Variants in COL19A1 observed in about 807,000 individuals in gnomAD.
The protein encoded by COL19A1 is collagen alpha-1(XIX) chain.
A neutral mutation model predicts 190.2 loss-of-function variants in COL19A1; 159 were observed. The ratio of observed to expected loss-of-function variants is 0.84; its 90% CI spans 0.73 to 0.95. The LOEUF is 0.95. Ranked by LOEUF, COL19A1 falls within the 40% of genes least tolerant of loss-of-function variation. The pLI, the probability that COL19A1 is intolerant of heterozygous loss-of-function variation, is 0.00. For synonymous variants in COL19A1, 509 were observed against 458.9 expected (o/e 1.11, Z -1.39); for missense variants, 1,418 against 1,431.9 (o/e 0.99, Z 0.16).
chr6:69,920,325 A>G (rs1265849854), intron 4 of COL19A1, among the ~76,000 whole-genome samples: 1 of 152,172 alleles, frequency 6.6e-6, no homozygotes, highest in Non-Finnish European at 1.5e-5. Context: ...CCGAAGTTTC[A>G]TATGGTTTTC....
rs527584464 is a variant in COL19A1 at position 70,121,249 on chromosome 6, T to C, written c.1279-631T>C. Among the ~76,000 whole-genome samples, 5 of 152,306 alleles carry C rather than the reference T, an allele frequency of 3.3e-5. No individual in the cohort carries two copies. The East Asian group carries it at 7.7e-4, about 23-fold the overall frequency. ...TTCTTTCCTTTCTTCCTAGAAGCTT[T>C]AGGGACAGCCAAATGTATTTGCTTC... On this transcript the variant is annotated intron_variant, in intron 16 of 50. Transcript: ENST00000620364.
At chr6:69,955,004 C>T (rs1255463928) in intron 9 of COL19A1, among the ~76,000 whole-genome samples, 4 of 152,108 alleles carry the variant, frequency 2.6e-5, no homozygotes, top group African/African-American at 4.8e-5. Flanking sequence ...TCATCTTTCA[C>T]TTGTTAGAAT....
At chr6:70,053,711 T>C (rs960276619) in intron 14 of COL19A1, among the ~76,000 whole-genome samples, 18 of 152,216 alleles carry the variant, frequency 1.2e-4, no homozygotes, top group Non-Finnish European at 2.6e-4. Context: ...TTAGATATCA[T>C]ATTTCTAACA....
chr6:69,885,620 T>G (rs1273680753), intron 2 of COL19A1, among the ~76,000 whole-genome samples: 7 of 152,222 alleles, frequency 4.6e-5, no homozygotes, highest in Non-Finnish European at 8.8e-5. Flanking sequence ...TTGAAGTGCA[T>G]TTCTCCATTT....
chr6:70,170,564 A>G (rs1008998507), intron 40 of COL19A1, among the ~76,000 whole-genome samples: 3 of 151,250 alleles, frequency 2.0e-5, no homozygotes, highest in Admixed American at 6.6e-5. Flanking sequence ...GCTACTTTCA[A>G]CAAATGTTGA....
chr6:70,144,995 G>T lies in COL19A1; in HGVS notation c.1758G>T (p.Leu586=), dbSNP rs1299053621. ...AGGCTGGTCCTCCAGGGAAAAGCCT[G>T]CCAGGGGAACCAGTAAGTATTAGCC... is the stretch of plus-strand genomic sequence containing the variant. ...KGEAGPPGKS[L]PGEPGLDGNP... Residue 586 remains leucine (L), a synonymous_variant, in exon 25 of 51, where the codon CTG becomes CTT. Coordinates refer to ENST00000620364, the MANE Select transcript of COL19A1 (RefSeq NM_001858.6). 4.4e-6 allele frequency: 7 copies of T among 1,587,882 alleles called. No homozygotes were observed. The highest frequency in any genetic ancestry group is 5.1e-6 in the Non-Finnish European group (6 of 1,165,122).
intron 17 of COL19A1, 62 bp from the exon 18 acceptor site, chr6:70,130,120 A>T (rs1785432383): frequency 4.5e-6 from 7 of 1,572,282 alleles, no homozygotes; most frequent in South Asian, 1.1e-5. Context: ...ACTGTTACAG[A>T]TTGAATGTGT....
chr6:69,917,093 A>C (rs1301505258), intron 4 of COL19A1, among the ~76,000 whole-genome samples: 2 of 152,226 alleles, frequency 1.3e-5, no homozygotes, highest in African/African-American at 2.4e-5. Context: ...ACACATTTCC[A>C]AGGACTTGAA....
intron 31 of COL19A1, among the ~76,000 whole-genome samples, chr6:70,152,307 A>C (rs1383677456): frequency 3.9e-5 from 6 of 152,162 alleles, no homozygotes; most frequent in Non-Finnish European, 8.8e-5. Flanking sequence ...CATTTAGCCC[A>C]GTGATTTACA....
chr6:70,111,455 C>T (rs12215502), intron 16 of COL19A1, among the ~76,000 whole-genome samples: 5 of 152,132 alleles, frequency 3.3e-5, no homozygotes, highest in East Asian at 1.9e-4. Context: ...AAGCAAATAT[C>T]GCAAAATTGT....
chr6:69,930,615 G>A (rs929018013), intron 6 of COL19A1, among the ~76,000 whole-genome samples: 1 of 151,908 alleles, frequency 6.6e-6, no homozygotes, highest in Non-Finnish European at 1.5e-5. Flanking sequence ...TCAGGAGATC[G>A]AGACCATCCT....
At chr6:69,905,013 C>T (rs1445775713) in intron 4 of COL19A1, among the ~76,000 whole-genome samples, 1 of 152,134 alleles carries the variant, frequency 6.6e-6, no homozygotes, top group South Asian at 2.1e-4. Flanking sequence ...CACAGGAGAC[C>T]TATCCACTGC....
intron 14 of COL19A1, among the ~76,000 whole-genome samples, chr6:70,064,042 A>G (rs1358221269): frequency 2.0e-5 from 3 of 152,208 alleles, no homozygotes; most frequent in Non-Finnish European, 4.4e-5. Context: ...GAATTCTACC[A>G]GAGGTACAAG....
intron 15 of COL19A1, among the ~76,000 whole-genome samples, chr6:70,101,875 A>G (rs1158358505): frequency 6.6e-6 from 1 of 152,198 alleles, no homozygotes; most frequent in Admixed American, 6.5e-5. Context: ...TACCCATCTT[A>G]GACCATCTTT....
chr6:69,938,079 G>A lies in COL19A1; in HGVS notation c.915G>A (p.Gln305=). Residue 305 remains glutamine (Q), a synonymous_variant, in exon 9 of 51, where the codon CAG becomes CAA. Transcript: ENST00000620364. ...CAGGAGCTCCGGGTTCACCTGGGCA[G>A]AAAGGGCATAAAGGAGAGCCGGTAA... is the stretch of plus-strand genomic sequence containing the variant. ...GLPGAPGSPG[Q]KGHKGEPGEN... is the part of the protein sequence containing the mutation. 1 of 1,612,740 alleles carries A rather than the reference G, an allele frequency of 6.2e-7. No homozygotes were observed. Among genetic ancestry groups the A allele is most frequent in the Admixed American group, 1.7e-5 (1 of 59,848 alleles).
intron 16 of COL19A1, among the ~76,000 whole-genome samples, chr6:70,118,627 G>A (rs1400701963): frequency 6.6e-6 from 1 of 152,190 alleles, no homozygotes; most frequent in African/African-American, 2.4e-5. Context: ...AGATTAAGTG[G>A]TAGAACCTAA....
intron 2 of COL19A1, among the ~76,000 whole-genome samples, chr6:69,888,037 A>T (rs766741503): frequency 6.6e-6 from 1 of 152,202 alleles, no homozygotes; most frequent in Non-Finnish European, 1.5e-5. Flanking sequence ...ATGAAGACCA[A>T]TCTTAACTTC....
At position 69,914,518 on chromosome 6, in the gene COL19A1, G is replaced by A. The variant is rs191009385; in HGVS notation, c.267-13391G>A. On this transcript the variant is annotated intron_variant, in intron 4 of 50. Transcript: ENST00000620364. Reference sequence around the variant, plus strand: ...AATACGGAAGTTCTTCCTAAACCCTGCCTCACACTTACTCGGAATGGCAGA... The same window carrying A: ...AATACGGAAGTTCTTCCTAAACCCTACCTCACACTTACTCGGAATGGCAGA... 2.0e-5 allele frequency among the ~76,000 whole-genome samples: 3 copies of A among 152,236 alleles called. No homozygotes were observed. The East Asian group carries it at 5.8e-4, about 29-fold the overall frequency.
intron 2 of COL19A1, among the ~76,000 whole-genome samples, chr6:69,883,535 T>C (rs1164665313): frequency 1.3e-5 from 2 of 152,362 alleles, no homozygotes; most frequent in African/African-American, 4.8e-5. Context: ...TGTGGAGATA[T>C]GTGCATTTTA....
Sources: gnomAD v4.1 joint callset for allele counts (sites outside exome capture counted in the v4.1 genomes callset) on GRCh38, gnomAD v4.1.1 for gene constraint, MANE v1.5 for transcripts, NCBI Gene and HGNC (gene_info 2026-07-23, HGNC 2026-07-21) for gene names.